The following HEATR4 variants were observed in gnomAD, a reference collection of about 807,000 sequenced individuals.
HEATR4 encodes HEAT repeat-containing protein 4.
Under a neutral mutation model 108.8 loss-of-function variants are expected in HEATR4, and 95 were observed. The ratio of observed to expected loss-of-function variants is 0.87; its 90% CI spans 0.74 to 1.04. The LOEUF (loss-of-function observed/expected upper bound fraction) is 1.04, where lower values mean the gene tolerates loss of function less well. HEATR4 is among the 50% of genes least tolerant of loss of function. The probability of loss-of-function intolerance (pLI) is 0.00; values close to 1 mark genes in which losing one functional copy is unlikely to be tolerated. For missense variants in HEATR4, 1,152 were observed against 1,253.8 expected, an observed-to-expected ratio of 0.92 and a Z score of 1.23; for synonymous variants, 443 against 459.4, an observed-to-expected ratio of 0.96 and a Z score of 0.46.
the HEATR4 span, among the ~76,000 whole-genome samples, chr14:73,585,288 G>A: frequency 7.2e-5 from 11 of 152,268 alleles, no homozygotes; most frequent in East Asian, 2.1e-3. Context: ...CACCAGGGCT[G>A]GTGCTCCACC....
At chr14:73,482,155 G>A (rs868500984) in intron 17 of HEATR4, among the ~76,000 whole-genome samples, 3 of 152,142 alleles carry the variant, frequency 2.0e-5, no homozygotes, top group South Asian at 2.1e-4. Flanking sequence ...GGAGGCCCAC[G>A]CAGGCAGATG....
At chr14:73,564,104 G>T in the HEATR4 span, among the ~76,000 whole-genome samples, 4 of 151,792 alleles carry the variant, frequency 2.6e-5, no homozygotes, top group African/African-American at 9.7e-5. Flanking sequence ...TTTGAGACCA[G>T]CCTGGCCAAC....
chr14:73,498,390 A>G, intron 13 of HEATR4, 46 bp from the exon 14 acceptor site: 1 of 1,474,100 alleles, frequency 6.8e-7, no homozygotes, highest in Non-Finnish European at 9.2e-7. Context: ...TGAGCTTACT[A>G]TATTCTAGCA....
chr14:73,481,173 T>C (rs1885240416), intron 17 of HEATR4, among the ~76,000 whole-genome samples: 1 of 152,210 alleles, frequency 6.6e-6, no homozygotes, highest in African/African-American at 2.4e-5. Context: ...GGAGGTTGGC[T>C]GACGCCTGTA....
rs1490036650 is a variant in HEATR4 at position 73,547,374 on chromosome 14, C to G, written c.-152+11377G>C. ...CCAGCCTGGGCAAAAGGGCAAAACG[C>G]TGTCTCAAAAACAAAATAGAGATGG... On this transcript the variant is annotated intron_variant, in intron 1 of 17. Coordinates refer to ENST00000553558, the MANE Select transcript of HEATR4 (RefSeq NM_001220484.1). 5.2e-5 allele frequency among the ~76,000 whole-genome samples: 6 copies of G among 115,302 alleles called. 2 individuals carry two copies. Among genetic ancestry groups the G allele is most frequent in the Non-Finnish European group, 7.6e-5 (4 of 52,654 alleles). 75.6% of individuals were successfully genotyped at this position (115,302 alleles called of 152,430 possible). A position where few individuals can be genotyped will look rare whatever the true frequency, so the allele number is the denominator to read the frequency against.
chr14:73,612,567 T>A, the HEATR4 span: 2 of 1,379,798 alleles, frequency 1.4e-6, no homozygotes, highest in African/African-American at 1.5e-5. Context: ...TCTACCCAGA[T>A]TGGGATGGCA....
intron 2 of HEATR4, among the ~76,000 whole-genome samples, chr14:73,525,586 A>C (rs1045686840): frequency 6.6e-6 from 1 of 152,180 alleles, no homozygotes; most frequent in African/African-American, 2.4e-5. Flanking sequence ...GGCTAGAGCA[A>C]GACGGCCAAA....
chr14:73,486,325 C>T (rs900515821), intron 17 of HEATR4, among the ~76,000 whole-genome samples: 4 of 152,192 alleles, frequency 2.6e-5, no homozygotes, highest in Non-Finnish European at 4.4e-5. Context: ...CGGACATTTG[C>T]TTTCTTTTAC....
At chr14:73,569,438 G>A in the HEATR4 span, 4 of 1,613,844 alleles carry the variant, frequency 2.5e-6, no homozygotes, top group Non-Finnish European at 3.4e-6. Flanking sequence ...TGGCGGCGAC[G>A]CTGATCCTGG....
the HEATR4 span, chr14:73,619,836 A>G: frequency 6.3e-7 from 1 of 1,590,710 alleles, no homozygotes; most frequent in Non-Finnish European, 8.5e-7. Context: ...ACAGCAAAAT[A>G]TAACATTGTA....
chr14:73,586,749 G>T, the HEATR4 span, among the ~76,000 whole-genome samples: 1 of 150,858 alleles, frequency 6.6e-6, no homozygotes, highest in Non-Finnish European at 1.5e-5. Flanking sequence ...TTGCTCTGAT[G>T]CCCAGAGCTG....
At chr14:73,569,894 T>C in the HEATR4 span, 3 of 1,600,398 alleles carry the variant, frequency 1.9e-6, no homozygotes, top group African/African-American at 4.0e-5. Context: ...GTGACTCACC[T>C]CCGCTAATTG....
chr14:73,547,807 A>G (rs921822396), intron 1 of HEATR4, among the ~76,000 whole-genome samples: 1 of 114,658 alleles, frequency 8.7e-6, no homozygotes, highest in African/African-American at 2.8e-5. Flanking sequence ...AATCGCTTGA[A>G]CCTGGGAGTC....
At chr14:73,593,973 A>G in the HEATR4 span, 5 of 1,385,654 alleles carry the variant, frequency 3.6e-6, no homozygotes, top group Admixed American at 8.5e-5. Flanking sequence ...AACCTTTACC[A>G]CGTGCAGAAA....
chr14:73,547,432 C>G (rs1889249626), intron 1 of HEATR4, among the ~76,000 whole-genome samples: 1 of 115,212 alleles, frequency 8.7e-6, no homozygotes, highest in South Asian at 2.7e-4. Context: ...TGGTCTTAAA[C>G]TCCTGGGCTC....
chr14:73,495,124 C>G, intron 16 of HEATR4, 104 bp downstream of exon 16: 1 of 951,548 alleles, frequency 1.1e-6, no homozygotes, highest in Non-Finnish European at 1.6e-6. Flanking sequence ...CCTTTCCTGA[C>G]TCTTTCATCC....
rs532888331 is a variant in HEATR4 at position 73,507,083 on chromosome 14, G to A, written c.1882-512C>T. Among the ~76,000 whole-genome samples, 14 of 152,150 alleles carry A rather than the reference G, an allele frequency of 9.2e-5. 2 individuals are homozygous for A. Among genetic ancestry groups the A allele is most frequent in the South Asian group, 4.1e-4 (2 of 4,822 alleles). On this transcript the variant is annotated intron_variant, in intron 9 of 17. Transcript: ENST00000553558. ...CTCCCAAAGTGCTGGGATTACAGGC[G>A]TGAGCCACCGTGCCCGGCCTTCTGT...
Position 73,541,950 on chromosome 14 carries a change from A to G in HEATR4, c.-151-11706T>C, listed in dbSNP as rs1263215468. On this transcript the variant is annotated intron_variant, in intron 1 of 17. Transcript: ENST00000553558. ...GGCTCACTGCAACCTCCACCTCCCA[A>G]GTTCAAGTGATTCTTGTGCCCCAGC... is the stretch of plus-strand genomic sequence containing the variant. Among the ~76,000 whole-genome samples the G allele has an allele frequency of 4.5e-5, 5 of 111,466 alleles. 2 individuals are homozygous for G. Among genetic ancestry groups the G allele is most frequent in the African/African-American group, 1.5e-4 (5 of 33,358 alleles). 73.1% of individuals were successfully genotyped at this position (111,466 alleles called of 152,430 possible).
At chr14:73,580,350 C>A in the HEATR4 span, among the ~76,000 whole-genome samples, 1 of 152,050 alleles carries the variant, frequency 6.6e-6, no homozygotes, top group Non-Finnish European at 1.5e-5. Context: ...GTCTCGAACT[C>A]CTGGCCTCAA....
Sources: allele counts gnomAD v4.1 joint callset (sites outside exome capture counted in the v4.1 genomes callset), GRCh38; gene constraint gnomAD v4.1.1; transcripts MANE v1.5; gene names NCBI Gene and HGNC (gene_info 2026-07-23, HGNC 2026-07-21).